RGS6: variants seen among roughly 807,000 people sequenced by gnomAD.
RGS6 encodes regulator of G protein signaling 6.
In RGS6, 30 loss-of-function variants were observed where a neutral mutation model predicts 78.5. The observed-to-expected ratio is 0.38, with a 90% CI of 0.29 to 0.52. RGS6 has a LOEUF of 0.52. RGS6 is among the 20% of genes least tolerant of loss of function. The pLI, the probability that RGS6 is intolerant of heterozygous loss-of-function variation, is 0.85. For missense variants in RGS6, 495 were observed against 609.7 expected (o/e 0.81, Z 1.98); for synonymous variants, 206 against 206.0 (o/e 1.00, Z 0.00).
intron 2 of RGS6, among the ~76,000 whole-genome samples, chr14:72,219,407 T>C (rs1253670247): frequency 6.6e-6 from 1 of 152,208 alleles, no homozygotes; most frequent in African/African-American, 2.4e-5. Context: ...TCGTCTTCAC[T>C]GTTTCATTTT....
rs574936478 is a variant in RGS6 at position 72,533,266 on chromosome 14, G to A, written c.1279-2920G>A. Among the ~76,000 whole-genome samples the A allele has an allele frequency of 4.7e-4, 71 of 152,242 alleles. 2 individuals are homozygous for A. The highest frequency in any genetic ancestry group is 8.4e-4 in the African/African-American group (35 of 41,544). ...TCTGGATGGCAGCACATCTGTTTGC[G>A]GCATGGTTTACTGAATACTTTAAGG... On this transcript the variant is annotated intron_variant, in intron 15 of 17. Transcript: ENST00000553525.
Position 72,242,839 on chromosome 14 carries a change from C to CTTTTTTTTT in RGS6, c.85-109237_85-109229dup, listed in dbSNP as rs35675211. Among the ~76,000 whole-genome samples the CTTTTTTTTT allele has an allele frequency of 1.0e-4, 7 of 69,128 alleles. 1 individual carries two copies. Among genetic ancestry groups the CTTTTTTTTT allele is most frequent in the East Asian group, 5.3e-4 (1 of 1,884 alleles). 45.4% of individuals were successfully genotyped at this position (69,128 alleles called of 152,430 possible). A position where few individuals can be genotyped will look rare whatever the true frequency, so the allele number is the denominator to read the frequency against. The stretch of plus-strand genomic sequence containing the variant: ...GTATTTTTCCAACTTCATTTCTTTT[C>CTTTTTTTTT]TTTTTTTTTTTTTTTTTTTTTTTTT... On this transcript the variant is annotated intron_variant, in intron 2 of 17. Coordinates refer to ENST00000553525, the MANE Select transcript of RGS6 (RefSeq NM_001204424.2).
At chr14:72,368,943 G>T (rs569314976) in intron 3 of RGS6, among the ~76,000 whole-genome samples, 5 of 152,194 alleles carry the variant, frequency 3.3e-5, no homozygotes, top group South Asian at 2.1e-4. Flanking sequence ...CTAGATCAGG[G>T]TGTCTAATCT....
At chr14:72,239,802 C>A (rs1369394512) in intron 2 of RGS6, among the ~76,000 whole-genome samples, 2 of 152,218 alleles carry the variant, frequency 1.3e-5, no homozygotes, top group East Asian at 3.8e-4. Context: ...TCATAGCCTT[C>A]ATTTGACCAT....
At chr14:72,264,204 A>G (rs1429244684) in intron 2 of RGS6, among the ~76,000 whole-genome samples, 1 of 152,230 alleles carries the variant, frequency 6.6e-6, no homozygotes, top group Non-Finnish European at 1.5e-5. Context: ...TCCCGAATTT[A>G]TATTTTCTTG....
Position 72,510,291 on chromosome 14 carries a change from A to T in RGS6, c.1091+12A>T. 6.2e-7 allele frequency: 1 copy of T among 1,614,128 alleles called. No individual in the cohort carries two copies. The highest frequency in any genetic ancestry group is 1.3e-5 in the African/African-American group (1 of 75,042). The stretch of plus-strand genomic sequence containing the variant: ...TCAGAAAACCTCAGGTAAATCTCTC[A>T]AAGTTTGAGCTGTGTGCGGAATGTG... On this transcript the variant is annotated intron_variant, in intron 14 of 17. Transcript: ENST00000553525.
intron 2 of RGS6, among the ~76,000 whole-genome samples, chr14:72,167,446 A>G (rs770893774): frequency 6.6e-6 from 1 of 152,214 alleles, no homozygotes; most frequent in Non-Finnish European, 1.5e-5. Flanking sequence ...ACATACATTC[A>G]GGAGGGTGTG....
At chr14:71,887,652 G>T in the RGS6 span, among the ~76,000 whole-genome samples, 2 of 152,228 alleles carry the variant, frequency 1.3e-5, no homozygotes, top group South Asian at 4.2e-4. Context: ...ACTCCGCCCT[G>T]GTAAATTTGT....
At chr14:72,475,826 A>G (rs990038896) in intron 10 of RGS6, among the ~76,000 whole-genome samples, 5 of 84,118 alleles carry the variant, frequency 5.9e-5, no homozygotes, top group Non-Finnish European at 1.1e-4. Context: ...AAAAAAAAAT[A>G]CACGCACACA....
chr14:72,360,433 A>G (rs1316810140), intron 3 of RGS6, among the ~76,000 whole-genome samples: 3 of 151,940 alleles, frequency 2.0e-5, no homozygotes, highest in South Asian at 2.1e-4. Flanking sequence ...GAGGCAGGAG[A>G]ATGGCATGAA....
At chr14:72,044,904 A>G (rs112064354) in intron 2 of RGS6, among the ~76,000 whole-genome samples, 2 of 151,958 alleles carry the variant, frequency 1.3e-5, no homozygotes, top group Admixed American at 6.6e-5. Context: ...TAACAAAAAA[A>G]CCCAAAAAAC....
intron 2 of RGS6, among the ~76,000 whole-genome samples, chr14:72,061,211 T>C (rs2093877431): frequency 6.6e-6 from 1 of 152,220 alleles, no homozygotes; most frequent in Non-Finnish European, 1.5e-5. Flanking sequence ...AGATGGACCC[T>C]TTGTTTTCTG....
intron 15 of RGS6, among the ~76,000 whole-genome samples, chr14:72,519,856 AAC>A (rs1428472395): frequency 6.6e-6 from 1 of 152,182 alleles, no homozygotes; most frequent in African/African-American, 2.4e-5. Flanking sequence ...ATATTTATGA[AAC>A]ACAAGAAGAG....
chr14:72,328,815 G>T (rs2074358203), intron 2 of RGS6, among the ~76,000 whole-genome samples: 1 of 152,146 alleles, frequency 6.6e-6, no homozygotes, highest in African/African-American at 2.4e-5. Context: ...AAATCTTACT[G>T]AGAAAAATGT....
At chr14:72,163,307 T>C (rs2096878594) in intron 2 of RGS6, among the ~76,000 whole-genome samples, 2 of 152,222 alleles carry the variant, frequency 1.3e-5, no homozygotes, top group African/African-American at 4.8e-5. Context: ...CCACATTAGC[T>C]TATGAGGTGG....
intron 2 of RGS6, among the ~76,000 whole-genome samples, chr14:72,240,675 G>A (rs2052541755): frequency 6.6e-6 from 1 of 152,140 alleles, no homozygotes. Flanking sequence ...CTCAATATAA[G>A]AAGAGTTTGG....
chr14:72,418,851 T>C (rs926769407), intron 3 of RGS6, among the ~76,000 whole-genome samples: 2 of 152,250 alleles, frequency 1.3e-5, no homozygotes, highest in African/African-American at 2.4e-5. Context: ...GAGGCAAGGC[T>C]GGCGCCTGGG....
chr14:72,167,095 G>A (rs2096938728), intron 2 of RGS6, among the ~76,000 whole-genome samples: 1 of 152,124 alleles, frequency 6.6e-6, no homozygotes, highest in African/African-American at 2.4e-5. Flanking sequence ...TCTCTGATGA[G>A]GCTACGCTCA....
At chr14:72,586,268 C>T in the RGS6 span, among the ~76,000 whole-genome samples, 3 of 152,074 alleles carry the variant, frequency 2.0e-5, no homozygotes, top group Non-Finnish European at 2.9e-5. Flanking sequence ...GCATGGTGGC[C>T]GGTGTTTGGG....
Sources: allele counts gnomAD v4.1 joint callset (sites outside exome capture counted in the v4.1 genomes callset), GRCh38; gene constraint gnomAD v4.1.1; transcripts MANE v1.5; gene names NCBI Gene and HGNC (gene_info 2026-07-23, HGNC 2026-07-21).